Variants in ARHGAP30 observed in about 807,000 individuals in gnomAD.
ARHGAP30 encodes rho GTPase-activating protein 30.
A neutral mutation model predicts 72.0 loss-of-function variants in ARHGAP30; 23 were observed. That is an observed-to-expected ratio of 0.32 (90% CI 0.23 to 0.45). The LOEUF is 0.45. Ranked by LOEUF, ARHGAP30 falls within the 20% of genes least tolerant of loss-of-function variation. The probability of loss-of-function intolerance (pLI) is 1.00; values close to 1 mark genes in which losing one functional copy is unlikely to be tolerated. For missense variants in ARHGAP30, 1,319 were observed against 1,383.4 expected (o/e 0.95, Z 0.74); for synonymous variants, 576 against 528.2 (o/e 1.09, Z -1.24).
rs1239411993 is a variant in ARHGAP30 at position 161,047,665 on chromosome 1, G to C, written c.*50C>G. ...AGGAGACAGCTAGTCAGGAACCCTG[G>C]AGATTCAAGACAACTTGCTGGTCCC... On this transcript the variant is annotated 3_prime_UTR_variant, in exon 12 of 12. Transcript: ENST00000368013. 2.0e-6 allele frequency: 3 copies of C among 1,488,440 alleles called. No homozygotes were observed. Among genetic ancestry groups the C allele is most frequent in the Non-Finnish European group, 2.7e-6 (3 of 1,117,624 alleles). The allele number at this position is 1,488,440 out of a possible 1,614,324, so 92.2% of individuals were successfully genotyped here. A position where few individuals can be genotyped will look rare whatever the true frequency, so the allele number is the denominator to read the frequency against.
chr1:161,059,944 C>T (rs1022992455), intron 1 of ARHGAP30, among the ~76,000 whole-genome samples: 7 of 152,234 alleles, frequency 4.6e-5, no homozygotes, highest in Non-Finnish European at 8.8e-5. Flanking sequence ...CCTCTCCAAA[C>T]TACCCAATCA....
At chr1:161,049,783 C>T (rs1351062809) in intron 10 of ARHGAP30, 94 bp from the exon 11 acceptor site, 1 of 1,468,882 alleles carries the variant, frequency 6.8e-7, no homozygotes, top group Non-Finnish European at 9.2e-7. Context: ...AGGGGCCCAG[C>T]ACTCCCAGCA....
Position 161,047,100 on chromosome 1 carries a change from A to G in ARHGAP30, c.*615T>C, listed in dbSNP as rs17215373. 7,517 of 421,360 alleles carry G rather than the reference A, an allele frequency of 0.018. 97 individuals are homozygous for G. Among genetic ancestry groups the G allele is most frequent in the African/African-American group, 0.031 (1,471 of 47,842 alleles). The allele number at this position is 421,360 out of a possible 1,614,324, so 26.1% of individuals were successfully genotyped here. On this transcript the variant is annotated 3_prime_UTR_variant, in exon 12 of 12. Transcript: ENST00000368013. ...TATTCCAAAGGAGAAAGGAGAGCCC[A>G]GAGAGATCTGTACAGGACCTCTCTT...
chr1:161,048,688 A>G lies in ARHGAP30; in HGVS notation c.2333T>C (p.Val778Ala). The G allele has an allele frequency of 1.2e-6, 2 of 1,613,756 alleles. No homozygotes were observed. Among genetic ancestry groups the G allele is most frequent in the Non-Finnish European group, 1.7e-6 (2 of 1,179,944 alleles). The change falls in exon 12 of 12, where the codon GTT becomes GCT. Residue 778 changes from valine (V) to alanine (A), a missense_variant. This residue lies in a region of ARHGAP30 where 1,097 missense variants were observed against 1,045.2 expected (regional missense o/e 1.05). Transcript: ENST00000368013. ...DLEQGAQEDQ[V>A]AEEKWEVVQK... ...TACAACTTCCCATTTCTCCTCAGCA[A>G]CTTGATCTTCCTGGGCCCCTTGCTC... is the stretch of plus-strand genomic sequence containing the variant.
At chr1:161,066,140 C>T (rs1301009346) in intron 1 of ARHGAP30, among the ~76,000 whole-genome samples, 1 of 150,376 alleles carries the variant, frequency 6.6e-6, no homozygotes, top group African/African-American at 2.4e-5. Flanking sequence ...GCTGGGATTA[C>T]AGGCGTGAGC....
chr1:161,052,957 C>T (rs1259215691), intron 6 of ARHGAP30, 160 bp from the exon 7 acceptor site: 5 of 1,013,726 alleles, frequency 4.9e-6, no homozygotes, highest in African/African-American at 1.6e-5. Flanking sequence ...AGAGTGCCCT[C>T]ATGGACAAAG....
chr1:161,058,626 C>CAA (rs758250379), intron 2 of ARHGAP30, among the ~76,000 whole-genome samples: 85 of 87,040 alleles, frequency 9.8e-4, no homozygotes, highest in Middle Eastern at 7.8e-3. Context: ...GACTCTGTCT[C>CAA]AAAAAAAAAA....
chr1:161,048,486 A>C lies in ARHGAP30; in HGVS notation c.2535T>G (p.Ala845=), dbSNP rs1557914281. The C allele has an allele frequency of 6.2e-7, 1 of 1,614,014 alleles. No homozygotes were observed. Among genetic ancestry groups the C allele is most frequent in the Non-Finnish European group, 8.5e-7 (1 of 1,179,988 alleles). The change falls in exon 12 of 12, where the codon GCT becomes GCG. Residue 845 remains alanine, a synonymous_variant. Coordinates refer to ENST00000368013, the MANE Select transcript of ARHGAP30 (RefSeq NM_001025598.2). Reference sequence around the variant, plus strand: ...ACCCTCCAGCCCTCTGGTCTCCCTCAGCCTCTCCATCCCCACTCTCCCGTT... The same window carrying C: ...ACCCTCCAGCCCTCTGGTCTCCCTCCGCCTCTCCATCCCCACTCTCCCGTT... The part of the protein sequence containing the change: ...SKERESGDGE[A]EGDQRAGGYY...
chr1:161,052,734 T>C lies in ARHGAP30; in HGVS notation c.728A>G (p.Asp243Gly). ...ATAAGGCAGTGGCCTGGGCATAAGG[T>C]CCTCGGGGCTGCCTGATGCCCGGGT... is the stretch of plus-strand genomic sequence containing the variant. ...PGTRASGSPE[D>G]LMPRPLPYHL... The change falls in exon 7 of 12, where the codon GAC (aspartate) becomes GGC (glycine). Residue 243 changes from aspartate (D) to glycine (G), a missense_variant. Asp to Gly is a moderately conservative substitution (Grantham distance 94). This residue lies in a region of ARHGAP30 where 222 missense variants were observed against 338.2 expected (regional missense o/e 0.66). Coordinates refer to ENST00000368013, the MANE Select transcript of ARHGAP30 (RefSeq NM_001025598.2). The C allele has an allele frequency of 6.2e-7, 1 of 1,612,002 alleles. No homozygotes were observed.
Position 161,052,642 on chromosome 1 carries a change from C to G in ARHGAP30, c.820G>C (p.Glu274Gln). 1.2e-6 allele frequency: 2 copies of G among 1,613,828 alleles called. No individual in the cohort carries two copies. The highest frequency in any genetic ancestry group is 1.1e-5 in the South Asian group (1 of 91,070). ...PQMRPYHTII[E>Q]IAEHKRKGSL... is the part of the protein sequence containing the mutation. Reference sequence around the variant, plus strand: ...AGGCCTTACTTGTGCTCTGCAATCTCGATGATAGTATGGTAGGGCCGCATC... The same window carrying G: ...AGGCCTTACTTGTGCTCTGCAATCTGGATGATAGTATGGTAGGGCCGCATC... The change falls in exon 7 of 12, where the codon GAG becomes CAG. Residue 274 changes from glutamate to glutamine, a missense_variant. Physicochemically the swap from Glu to Gln is conservative, Grantham distance 29. This residue lies in a region of ARHGAP30 where 1,097 missense variants were observed against 1,045.2 expected (regional missense o/e 1.05). Transcript: ENST00000368013.
chr1:161,052,912 C>G, intron 6 of ARHGAP30, 115 bp from the exon 7 acceptor site: 1 of 1,301,052 alleles, frequency 7.7e-7, no homozygotes, highest in Non-Finnish European at 1.0e-6. Context: ...TTCAGAAGCC[C>G]CTGAAGACAG....
rs1222760407 is a variant in ARHGAP30, at chr1:161,069,468, G to C, written c.97+60C>G. 33 of 1,542,516 alleles carry C rather than the reference G, an allele frequency of 2.1e-5. 1 individual carries two copies. In the South Asian group the frequency reaches 3.3e-4, roughly 16 times the overall value. ...CTGCTTCTGCCCTTCAGGCTGGATC[G>C]GGCTGCAGATGCCCAGTGCCTCCCC... On this transcript the variant is annotated intron_variant, in intron 1 of 11. Transcript: ENST00000368013. The surrounding 1 kb of genome is among the most constrained non-coding windows in gnomAD (Gnocchi z 4.9).
Position 161,049,021 on chromosome 1 carries a change from C to T in ARHGAP30, c.2000G>A (p.Gly667Asp), listed in dbSNP as rs761631153. ...TGCCTCTTCCCTGATGTCTAGCCTG[C>T]CTCCAGGCTCAGCCTGCTTGTCCTC... ...VGEDKQAEPGGRLDIREEAEG... is the reference protein window; with the variant it reads ...VGEDKQAEPGDRLDIREEAEG... Residue 667 changes from glycine (G) to aspartate (D), a missense_variant, in exon 12 of 12, where the codon GGC becomes GAC. Gly to Asp is a moderately conservative substitution (Grantham distance 94). Transcript: ENST00000368013. 1.9e-6 allele frequency: 3 copies of T among 1,613,988 alleles called. No homozygotes were observed. The highest frequency in any genetic ancestry group is 1.1e-5 in the South Asian group (1 of 91,080).
chr1:161,053,484 C>G lies in ARHGAP30; in HGVS notation c.537-99G>C. 6 of 1,229,510 alleles carry G rather than the reference C, an allele frequency of 4.9e-6. No homozygotes were observed. The East Asian group carries it at 1.5e-4, about 31-fold the overall frequency. The allele number at this position is 1,229,510 out of a possible 1,614,324, so 76.2% of individuals were successfully genotyped here. Reference sequence around the variant, plus strand: ...TTATTCTCTCTCTCTCTCTCTCTCTCTCTCTCTCTCTCTCTCTCTCTCGAA... The same window carrying G: ...TTATTCTCTCTCTCTCTCTCTCTCTGTCTCTCTCTCTCTCTCTCTCTCGAA... On this transcript the variant is annotated intron_variant, in intron 5 of 11. Transcript: ENST00000368013.
intron 4 of ARHGAP30, 23 bp from the exon 5 acceptor site, chr1:161,054,496 T>G (rs1375591446): frequency 4.3e-6 from 7 of 1,610,968 alleles, no homozygotes; most frequent in Admixed American, 3.3e-5. Flanking sequence ...GGGGCAGGGA[T>G]CACACAGGGA....
At position 161,064,779 on chromosome 1, in the gene ARHGAP30, A is replaced by AAGAAAGAAAGAAAG. The variant is rs1306731099; in HGVS notation, c.97+4748_97+4749insCTTTCTTTCTTTCT. Among the ~76,000 whole-genome samples, 97 of 98,140 alleles carry AAGAAAGAAAGAAAG rather than the reference A, an allele frequency of 9.9e-4. 2 individuals are homozygous for AAGAAAGAAAGAAAG. Among genetic ancestry groups the AAGAAAGAAAGAAAG allele is most frequent in the Admixed American group, 1.6e-3 (14 of 8,752 alleles). 64.4% of individuals were successfully genotyped at this position (98,140 alleles called of 152,430 possible). On this transcript the variant is annotated intron_variant, in intron 1 of 11. Coordinates refer to ENST00000368013, the MANE Select transcript of ARHGAP30 (RefSeq NM_001025598.2). ...AGAAAGAGAAAGAAAGAAAGAAAGAAAAAGAAAGAAAGAAAGAAAGAAAGA... is the reference window on the plus strand; with the variant it reads ...AGAAAGAGAAAGAAAGAAAGAAAGAAAGAAAGAAAGAAAGAAAGAAAGAAAGAAAGAAAGAAAGA...
intron 1 of ARHGAP30, among the ~76,000 whole-genome samples, chr1:161,060,986 G>A (rs1039882967): frequency 1.4e-4 from 22 of 152,022 alleles, no homozygotes; most frequent in African/African-American, 5.1e-4. Flanking sequence ...TTACAGGCGT[G>A]AGCCACCGAG....
chr1:161,060,853 C>T (rs1031246190), intron 1 of ARHGAP30, among the ~76,000 whole-genome samples: 6 of 151,726 alleles, frequency 4.0e-5, no homozygotes, highest in African/African-American at 1.2e-4. Flanking sequence ...AGACGCCCGC[C>T]GCTACGTCTC....
rs752335176 is a variant in ARHGAP30 at position 161,059,649 on chromosome 1, G to A, written c.165C>T (p.Arg55=). Residue 55 remains arginine, a synonymous_variant, in exon 2 of 12, where the codon CGC becomes CGT. Coordinates refer to ENST00000368013, the MANE Select transcript of ARHGAP30 (RefSeq NM_001025598.2). ...EEYGVVDGIY[R]LSGVSSNIQK... ...GGATGTTGGAGGAGACCCCTGAGAGGCGGTAGATCCCATCCACCACTCCAT... is the reference window on the plus strand; with the variant it reads ...GGATGTTGGAGGAGACCCCTGAGAGACGGTAGATCCCATCCACCACTCCAT... The A allele has an allele frequency of 6.2e-7, 1 of 1,613,740 alleles. No individual in the cohort carries two copies.
Sources: gnomAD v4.1 joint callset for allele counts (sites outside exome capture counted in the v4.1 genomes callset) on GRCh38, gnomAD v4.1.1 for gene constraint, gnomAD v4.1.1 regional missense constraint, Gnocchi (gnomAD v3.1) non-coding constraint, MANE v1.5 for transcripts, NCBI Gene and HGNC (gene_info 2026-07-23, HGNC 2026-07-21) for gene names.